ALCAM: variants seen among roughly 807,000 people sequenced by gnomAD.
The protein encoded by ALCAM is CD166 antigen.
Under a neutral mutation model 70.9 loss-of-function variants are expected in ALCAM, and 30 were observed. That is an observed-to-expected ratio of 0.42 (90% CI 0.32 to 0.57). ALCAM has a LOEUF of 0.57. Among genes scored for constraint, ALCAM ranks in the 20% least tolerant of loss-of-function variants. The probability of loss-of-function intolerance (pLI) is 0.11; values close to 1 mark genes in which losing one functional copy is unlikely to be tolerated. For missense variants in ALCAM, 591 were observed against 695.1 expected (o/e 0.85, Z 1.68); for synonymous variants, 249 against 242.5 (o/e 1.03, Z -0.25).
intron 1 of ALCAM, among the ~76,000 whole-genome samples, chr3:105,442,137 AT>A (rs1287547368): frequency 3.3e-5 from 5 of 152,152 alleles, no homozygotes; most frequent in African/African-American, 1.2e-4. Flanking sequence ...TTGAGGTTGG[AT>A]GAGATTTTAT....
At chr3:105,542,002 C>T (rs1233765867) in intron 8 of ALCAM, among the ~76,000 whole-genome samples, 1 of 151,906 alleles carries the variant, frequency 6.6e-6, no homozygotes, top group Non-Finnish European at 1.5e-5. Flanking sequence ...TCTCCATCTT[C>T]TTTCTAAGTG....
intron 1 of ALCAM, among the ~76,000 whole-genome samples, chr3:105,395,757 G>A (rs1334721536): frequency 1.3e-5 from 2 of 151,972 alleles, no homozygotes; most frequent in Non-Finnish European, 1.5e-5. Context: ...TCTCAAGAAC[G>A]AATTTAAATT....
chr3:105,430,570 T>G (rs554475993), intron 1 of ALCAM, among the ~76,000 whole-genome samples: 3 of 152,080 alleles, frequency 2.0e-5, no homozygotes, highest in Non-Finnish European at 2.9e-5. Context: ...TCAAGGGTAC[T>G]TACTGTTAAC....
chr3:105,487,166 A>G lies in ALCAM; in HGVS notation c.74-32901A>G, dbSNP rs1472199921. On this transcript the variant is annotated intron_variant, in intron 1 of 15. Transcript: ENST00000306107. ...TAACTATTTTTTAAAAAAACTAACCATGAAAAAAATTCTGGGGTCTGTTGT... is the reference window on the plus strand; with the variant it reads ...TAACTATTTTTTAAAAAAACTAACCGTGAAAAAAATTCTGGGGTCTGTTGT... 3.9e-5 allele frequency among the ~76,000 whole-genome samples: 6 copies of G among 152,144 alleles called. No individual in the cohort carries two copies. In the South Asian group the frequency reaches 1.2e-3, roughly 32 times the overall value.
chr3:105,367,450 C>T lies in ALCAM; in HGVS notation c.42C>T (p.Cys14=). The T allele has an allele frequency of 1.2e-6, 2 of 1,614,036 alleles. No homozygotes were observed. Among genetic ancestry groups the T allele is most frequent in the South Asian group, 1.1e-5 (1 of 91,084 alleles). ...KGASSCRLLF[C]LLISATVFRP... is the part of the protein sequence containing the mutation. Reference sequence around the variant, plus strand: ...CCAGTTCCTGCCGTCTGCTCTTCTGCCTCTTGATCTCCGCCACCGTCTTCA... The same window carrying T: ...CCAGTTCCTGCCGTCTGCTCTTCTGTCTCTTGATCTCCGCCACCGTCTTCA... The change falls in exon 1 of 16, where the codon TGC becomes TGT. Residue 14 remains cysteine (C), a synonymous_variant. Transcript: ENST00000306107.
intron 8 of ALCAM, among the ~76,000 whole-genome samples, chr3:105,543,099 A>G (rs1315210026): frequency 6.6e-6 from 1 of 151,728 alleles, no homozygotes; most frequent in Admixed American, 6.6e-5. Context: ...CTAGTGCCTT[A>G]GAGATGGTGT....
chr3:105,546,298 T>A (rs1389500970), intron 9 of ALCAM, among the ~76,000 whole-genome samples: 1 of 151,270 alleles, frequency 6.6e-6, no homozygotes, highest in Non-Finnish European at 1.5e-5. Context: ...TTTTCTAGAG[T>A]TTCTTTTTGA....
rs1429322034 is a variant in ALCAM, at chr3:105,534,809, A to T, written c.694A>T (p.Thr232Ser). The T allele has an allele frequency of 1.2e-6, 2 of 1,613,572 alleles. No homozygotes were observed. The highest frequency in any genetic ancestry group is 2.7e-5 in the African/African-American group (2 of 74,904). The change falls in exon 6 of 16, where the codon ACA (threonine) becomes TCA (serine). Residue 232 changes from threonine to serine, a missense_variant. Transcript: ENST00000306107. ...ATATTATGGACCATCTGGCCAGAAA[A>T]CAATTCATTCTGAACAGGCAGTATT... ...VTYYGPSGQK[T>S]IHSEQAVFDI...
At chr3:105,467,315 T>C (rs1435842114) in intron 1 of ALCAM, among the ~76,000 whole-genome samples, 1 of 151,234 alleles carries the variant, frequency 6.6e-6, no homozygotes, top group African/African-American at 2.4e-5. Flanking sequence ...ACAAATTAAA[T>C]AGTTATTTCG....
At position 105,468,022 on chromosome 3, in the gene ALCAM, A is replaced by G. The variant is rs537606604; in HGVS notation, c.74-52045A>G. ...GAAAAAGAAGTGGTAATTTATATCA[A>G]CTCTCAAGAAGTTTAGGCAAGGTGT... On this transcript the variant is annotated intron_variant, in intron 1 of 15. Transcript: ENST00000306107. Among the ~76,000 whole-genome samples the G allele has an allele frequency of 6.6e-5, 10 of 151,398 alleles. No homozygotes were observed. The South Asian group carries it at 1.5e-3, about 22-fold the overall frequency.
At chr3:105,568,443 C>T (rs13325976) in intron 14 of ALCAM, among the ~76,000 whole-genome samples, 1 of 152,038 alleles carries the variant, frequency 6.6e-6, no homozygotes, top group African/African-American at 2.4e-5. Flanking sequence ...GTTTCAGTAC[C>T]AAGACTGATG....
intron 1 of ALCAM, among the ~76,000 whole-genome samples, chr3:105,383,347 T>A (rs1935574423): frequency 6.6e-6 from 1 of 151,820 alleles, no homozygotes; most frequent in Non-Finnish European, 1.5e-5. Context: ...ACATTTTCGG[T>A]ACACACCCAT....
chr3:105,538,505 T>A (rs1940028079), intron 6 of ALCAM, among the ~76,000 whole-genome samples: 1 of 152,110 alleles, frequency 6.6e-6, no homozygotes, highest in Non-Finnish European at 1.5e-5. Context: ...CTTTGATGAC[T>A]CTCTAATACA....
At position 105,454,256 on chromosome 3, in the gene ALCAM, G is replaced by A. The variant is rs554752581; in HGVS notation, c.74-65811G>A. ...TTAATTTATTCATATCCACAGTGAC[G>A]AATTGCACAAAATTATCCAAAAGAT... On this transcript the variant is annotated intron_variant, in intron 1 of 15. Transcript: ENST00000306107. 1.1e-4 allele frequency among the ~76,000 whole-genome samples: 16 copies of A among 152,232 alleles called. No homozygotes were observed. In the East Asian group the frequency reaches 2.9e-3, roughly 28 times the overall value.
At chr3:105,401,850 T>C (rs1422099020) in intron 1 of ALCAM, among the ~76,000 whole-genome samples, 1 of 151,708 alleles carries the variant, frequency 6.6e-6, no homozygotes, top group Admixed American at 6.6e-5. Context: ...TCTTGGAAGT[T>C]TTGAAAATAT....
chr3:105,446,412 G>A (rs1321883701), intron 1 of ALCAM, among the ~76,000 whole-genome samples: 1 of 152,078 alleles, frequency 6.6e-6, no homozygotes, highest in African/African-American at 2.4e-5. Flanking sequence ...CAGTATGTAG[G>A]TTCCTCAAAA....
At chr3:105,435,165 AT>A (rs577128125) in intron 1 of ALCAM, among the ~76,000 whole-genome samples, 2 of 152,178 alleles carry the variant, frequency 1.3e-5, no homozygotes, top group African/African-American at 2.4e-5. Context: ...TAAAATATGT[AT>A]TTTTTTATCT....
chr3:105,446,246 G>A (rs965886003), intron 1 of ALCAM, among the ~76,000 whole-genome samples: 1 of 152,012 alleles, frequency 6.6e-6, no homozygotes, highest in South Asian at 2.1e-4. Context: ...CTAATAATCA[G>A]GGAAAAGCAA....
In ALCAM at chr3:105,552,527, C is replaced by A. The variant is rs1457246922; in HGVS notation, c.1606C>A (p.Leu536Ile). ...ACTAATTGTGGGAATCGTTGTTGGT[C>A]TCCTCCTTGCTGCCCTTGTTGCTGG... ...AKLIVGIVVG[L>I]LLAALVAGVV... The change falls in exon 14 of 16, where the codon CTC becomes ATC. Residue 536 changes from leucine (L) to isoleucine (I), a missense_variant. By Grantham distance (5) the Leu-to-Ile change is conservative. Around this residue, in one of 2 missense-constraint regions of ALCAM, gnomAD observed 164 missense variants for 244.7 expected, o/e 0.67. Coordinates refer to ENST00000306107, the MANE Select transcript of ALCAM (RefSeq NM_001627.4). The A allele has an allele frequency of 6.2e-7, 1 of 1,611,684 alleles. No homozygotes were observed. The highest frequency in any genetic ancestry group is 1.7e-5 in the Admixed American group (1 of 59,830).
Sources: gnomAD v4.1 joint callset for allele counts (sites outside exome capture counted in the v4.1 genomes callset) on GRCh38, gnomAD v4.1.1 for gene constraint, gnomAD v4.1.1 regional missense constraint, MANE v1.5 for transcripts, NCBI Gene and HGNC (gene_info 2026-07-23, HGNC 2026-07-21) for gene names.